The following GPC5 variants were observed in gnomAD, a reference collection of about 807,000 sequenced individuals.
The protein encoded by GPC5 is glypican-5.
In GPC5, 47 loss-of-function variants were observed where a neutral mutation model predicts 53.9. The observed-to-expected ratio is 0.87, with a 90% CI of 0.69 to 1.11. The LOEUF (loss-of-function observed/expected upper bound fraction) is 1.11, where lower values mean the gene tolerates loss of function less well. Among genes scored for constraint, GPC5 ranks in the 50% most tolerant of loss-of-function variants. The pLI is 0.00. For missense variants in GPC5, 748 were observed against 713.1 expected (o/e 1.05, Z -0.56); for synonymous variants, 286 against 263.3 (o/e 1.09, Z -0.84).
At chr13:91,679,914 AT>A (rs34247860) in intron 2 of GPC5, among the ~76,000 whole-genome samples, 37,088 of 148,546 alleles carry the variant, frequency 0.25, 6,505 homozygotes, top group African/African-American at 0.5. Context: ...AACTAGCCAC[AT>A]TTTTTTTTTT....
intron 7 of GPC5, among the ~76,000 whole-genome samples, chr13:92,230,467 A>G (rs558787734): frequency 1.3e-5 from 2 of 152,266 alleles, no homozygotes; most frequent in East Asian, 1.9e-4. Flanking sequence ...ATTTCAGGAT[A>G]ATTTTTATAA....
chr13:91,683,486 C>A (rs934040354), intron 2 of GPC5, among the ~76,000 whole-genome samples: 3 of 152,208 alleles, frequency 2.0e-5, no homozygotes, highest in Admixed American at 6.5e-5. Flanking sequence ...CCTGGATCCA[C>A]ATTTTTGCTC....
In GPC5 at chr13:91,886,552, C is replaced by T. The variant is rs373194779; in HGVS notation, c.1281-21385C>T. Reference sequence around the variant, plus strand: ...GTCCAAAGTCTCATCTGAGACAAGTCCCTTCCACCTATAAGCCTGTAAAAC... The same window carrying T: ...GTCCAAAGTCTCATCTGAGACAAGTTCCTTCCACCTATAAGCCTGTAAAAC... On this transcript the variant is annotated intron_variant, in intron 5 of 7. Coordinates refer to ENST00000377067, the MANE Select transcript of GPC5 (RefSeq NM_004466.6). Among the ~76,000 whole-genome samples, 8 of 152,180 alleles carry T rather than the reference C, an allele frequency of 5.3e-5. No homozygotes were observed. The South Asian group carries it at 1.5e-3, about 28-fold the overall frequency.
chr13:92,739,172 A>C (rs1274172737), intron 7 of GPC5, among the ~76,000 whole-genome samples: 2 of 152,098 alleles, frequency 1.3e-5, no homozygotes, highest in Non-Finnish European at 2.9e-5. Context: ...ATATGTCTCT[A>C]TATGTTTTTA....
chr13:92,772,180 C>G (rs67037212), intron 7 of GPC5, among the ~76,000 whole-genome samples: 30,839 of 152,092 alleles, frequency 0.2, 3,260 homozygotes, highest in Middle Eastern at 0.28. Flanking sequence ...CTCCCACTTC[C>G]CTGATTCCAA....
chr13:91,697,379 G>A (rs937861593), intron 3 of GPC5, among the ~76,000 whole-genome samples: 1 of 152,122 alleles, frequency 6.6e-6, no homozygotes, highest in Non-Finnish European at 1.5e-5. Context: ...CTGACCTTGT[G>A]ATCTGCCCGC....
chr13:92,204,790 T>G (rs1193295573), intron 7 of GPC5, among the ~76,000 whole-genome samples: 1 of 152,198 alleles, frequency 6.6e-6, no homozygotes, highest in Non-Finnish European at 1.5e-5. Flanking sequence ...GGCAACAATG[T>G]GTGACAAAAC....
At chr13:92,555,036 A>G (rs1210435783) in intron 7 of GPC5, among the ~76,000 whole-genome samples, 1 of 151,234 alleles carries the variant, frequency 6.6e-6, no homozygotes, top group Non-Finnish European at 1.5e-5. Flanking sequence ...TTTCTTTTTC[A>G]AGATTATAAA....
intron 7 of GPC5, among the ~76,000 whole-genome samples, chr13:92,227,375 A>C (rs1158070652): frequency 1.3e-5 from 2 of 152,216 alleles, no homozygotes; most frequent in Non-Finnish European, 2.9e-5. Context: ...GAGGGCCCCA[A>C]AGAATAGTTC....
chr13:92,685,575 A>AATTTTTTTTTTTTTTTTTT (rs1887247180), intron 7 of GPC5, among the ~76,000 whole-genome samples: 2 of 47,550 alleles, frequency 4.2e-5, no homozygotes, highest in African/African-American at 6.8e-5. Context: ...TTTTTTTTTT[A>AATTTTTTTTTTTTTTTTTT]TTATACTCTA....
At chr13:92,825,491 C>T (rs957073963) in intron 7 of GPC5, among the ~76,000 whole-genome samples, 1 of 151,952 alleles carries the variant, frequency 6.6e-6, no homozygotes, top group African/African-American at 2.4e-5. Context: ...TGGCATTTTC[C>T]AAGTGTATTA....
chr13:92,648,322 T>C lies in GPC5; in HGVS notation c.1562-217960T>C, dbSNP rs560276750. The stretch of plus-strand genomic sequence containing the variant: ...GAGGCAACATGCTCAGTCTTTGCAA[T>C]GCATCTATTCTTTTGGAGTTATTTT... On this transcript the variant is annotated intron_variant, in intron 7 of 7. Coordinates refer to ENST00000377067, the MANE Select transcript of GPC5 (RefSeq NM_004466.6). 1.3e-4 allele frequency among the ~76,000 whole-genome samples: 20 copies of C among 152,230 alleles called. No homozygotes were observed. In the East Asian group the frequency reaches 3.9e-3, roughly 29 times the overall value.
intron 2 of GPC5, among the ~76,000 whole-genome samples, chr13:91,677,976 T>C (rs1017981772): frequency 6.6e-5 from 10 of 152,228 alleles, no homozygotes; most frequent in African/African-American, 2.2e-4. Context: ...CAGACTGTTC[T>C]TGGTCTGATT....
At chr13:91,866,917 A>T (rs2039090582) in intron 5 of GPC5, among the ~76,000 whole-genome samples, 1 of 152,244 alleles carries the variant, frequency 6.6e-6, no homozygotes, top group Admixed American at 6.5e-5. Context: ...AAGTAAAAGT[A>T]TCATCATTGG....
intron 5 of GPC5, among the ~76,000 whole-genome samples, chr13:91,895,151 A>C (rs550004832): frequency 6.6e-6 from 1 of 152,058 alleles, no homozygotes; most frequent in East Asian, 1.9e-4. Context: ...AGAGCTCTCA[A>C]GGGGCTCAGG....
At position 92,456,910 on chromosome 13, in the gene GPC5, G is replaced by A. The variant is rs112843103; in HGVS notation, c.1561+311921G>A. Among the ~76,000 whole-genome samples the A allele has an allele frequency of 2.8e-3, 420 of 152,198 alleles. 2 individuals are homozygous for A. Among genetic ancestry groups the A allele is most frequent in the Admixed American group, 5.7e-3 (87 of 15,274 alleles). On this transcript the variant is annotated intron_variant, in intron 7 of 7. Transcript: ENST00000377067. ...TGCATGTTTGTTACATGAGCACCTA[G>A]CATGATGCTGAGGGTTGGGGTACGA...
intron 2 of GPC5, among the ~76,000 whole-genome samples, chr13:91,523,392 C>T (rs1218498646): frequency 6.6e-6 from 1 of 152,142 alleles, no homozygotes; most frequent in Non-Finnish European, 1.5e-5. Context: ...TGAAATATTA[C>T]TCTGTCTTAA....
chr13:92,757,809 A>G (rs1157057157), intron 7 of GPC5, among the ~76,000 whole-genome samples: 1 of 152,150 alleles, frequency 6.6e-6, no homozygotes, highest in African/African-American at 2.4e-5. Flanking sequence ...TTAGAATGGC[A>G]ATCATTATAA....
chr13:92,067,763 T>A (rs962745787), intron 6 of GPC5, among the ~76,000 whole-genome samples: 3 of 152,016 alleles, frequency 2.0e-5, no homozygotes, highest in Non-Finnish European at 4.4e-5. Context: ...TGTGTCTCCA[T>A]CTCACACATG....
Sources: gnomAD v4.1 joint callset for allele counts (sites outside exome capture counted in the v4.1 genomes callset) on GRCh38, gnomAD v4.1.1 for gene constraint, MANE v1.5 for transcripts, NCBI Gene and HGNC (gene_info 2026-07-23, HGNC 2026-07-21) for gene names.